The following MYO5B variants were observed in gnomAD, a reference collection of about 807,000 sequenced individuals.
MYO5B encodes the protein myosin VB.
Under a neutral mutation model 229.3 loss-of-function variants are expected in MYO5B, and 143 were observed. The observed-to-expected ratio is 0.62, with a 90% CI of 0.54 to 0.72. The LOEUF (loss-of-function observed/expected upper bound fraction) is 0.72. Among genes scored for constraint, MYO5B ranks in the 30% least tolerant of loss-of-function variants. The pLI is 0.00. For synonymous variants in MYO5B, 918 were observed against 885.2 expected, an observed-to-expected ratio of 1.04 and a Z score of -0.66; for missense variants, 2,321 against 2,331.0, an observed-to-expected ratio of 1.00 and a Z score of 0.09.
intron 25 of MYO5B, 74 bp downstream of exon 25, chr18:49,877,689 T>C: frequency 6.2e-7 from 1 of 1,602,716 alleles, no homozygotes; most frequent in Non-Finnish European, 8.5e-7. Context: ...AAATTTCTCT[T>C]GGACAGTTCC....
chr18:49,984,646 A>G, intron 8 of MYO5B, 72 bp downstream of exon 8: 1 of 1,191,606 alleles, frequency 8.4e-7, no homozygotes, highest in Non-Finnish European at 1.3e-6. Flanking sequence ...GCACAGTGGG[A>G]CATCGCCTTG....
chr18:49,891,755 C>A (rs980509960), intron 22 of MYO5B, among the ~76,000 whole-genome samples: 1 of 152,234 alleles, frequency 6.6e-6, no homozygotes, highest in African/African-American at 2.4e-5. Flanking sequence ...TTCCCCAAGC[C>A]AGATCTCTCT....
chr18:50,191,422 A>G (rs2033225105), intron 1 of MYO5B, among the ~76,000 whole-genome samples: 1 of 152,210 alleles, frequency 6.6e-6, no homozygotes, highest in Non-Finnish European at 1.5e-5. Flanking sequence ...AGTGTCTTAT[A>G]TCCAAGACCT....
intron 4 of MYO5B, among the ~76,000 whole-genome samples, chr18:50,032,976 A>G (rs2026406757): frequency 6.6e-6 from 1 of 151,936 alleles, no homozygotes; most frequent in Non-Finnish European, 1.5e-5. Flanking sequence ...AACAAGAGTG[A>G]AACTCATCTC....
chr18:49,889,038 C>T (rs570303295), intron 22 of MYO5B, among the ~76,000 whole-genome samples: 18 of 152,342 alleles, frequency 1.2e-4, no homozygotes, highest in Admixed American at 9.2e-4. Flanking sequence ...CCCAGGCCAC[C>T]GCCAGCACCT....
At chr18:50,047,929 G>A (rs985242637) in intron 2 of MYO5B, among the ~76,000 whole-genome samples, 2 of 137,562 alleles carry the variant, frequency 1.5e-5, no homozygotes, top group African/African-American at 5.5e-5. Flanking sequence ...TCACACGCCG[G>A]GGACTGTTGT....
chr18:49,874,984 G>A (rs915007231), intron 26 of MYO5B, among the ~76,000 whole-genome samples: 14 of 152,176 alleles, frequency 9.2e-5, no homozygotes, highest in Admixed American at 1.3e-4. Context: ...TCTCCCAGAC[G>A]TAACATCTAA....
intron 35 of MYO5B, among the ~76,000 whole-genome samples, chr18:49,840,958 A>G (rs775367461): frequency 3.9e-5 from 6 of 152,200 alleles, no homozygotes; most frequent in Admixed American, 3.3e-4. Flanking sequence ...TGAAATGGAC[A>G]GATTAATCAG....
At chr18:49,913,812 G>A (rs752468256) in intron 17 of MYO5B, among the ~76,000 whole-genome samples, 2 of 152,012 alleles carry the variant, frequency 1.3e-5, no homozygotes, top group African/African-American at 2.4e-5. Context: ...CAGACAAGGA[G>A]ACAAAGAGAC....
intron 1 of MYO5B, among the ~76,000 whole-genome samples, chr18:50,068,218 T>C (rs2030870965): frequency 6.6e-6 from 1 of 152,262 alleles, no homozygotes; most frequent in South Asian, 2.1e-4. Context: ...GTGAGATTAA[T>C]GGTAGATACT....
chr18:50,130,232 T>A (rs1239558784), intron 1 of MYO5B, among the ~76,000 whole-genome samples: 1 of 152,240 alleles, frequency 6.6e-6, no homozygotes, highest in South Asian at 2.1e-4. Context: ...CATATTTTTT[T>A]AAGCCTCTTG....
At chr18:49,844,336 A>G (rs1469328573) in intron 33 of MYO5B, among the ~76,000 whole-genome samples, 3 of 152,226 alleles carry the variant, frequency 2.0e-5, no homozygotes, top group Middle Eastern at 3.2e-3. Context: ...CAGGAGCACA[A>G]GGCCCCAGGG....
At chr18:49,954,279 A>G in intron 13 of MYO5B, 34 bp downstream of exon 13, 12 of 1,613,102 alleles carry the variant, frequency 7.4e-6, no homozygotes, top group Non-Finnish European at 1.0e-5. Context: ...AGAGGGGCCA[A>G]GGGAATACCC....
intron 4 of MYO5B, among the ~76,000 whole-genome samples, chr18:50,020,936 C>T (rs2026266785): frequency 1.3e-5 from 2 of 152,190 alleles, no homozygotes; most frequent in South Asian, 4.1e-4. Context: ...TGCTCTGTTT[C>T]TAGGGCAGAA....
intron 22 of MYO5B, among the ~76,000 whole-genome samples, chr18:49,887,743 C>T (rs375865533): frequency 4.6e-5 from 7 of 152,138 alleles, no homozygotes; most frequent in African/African-American, 7.2e-5. Context: ...TGCAGTGGCG[C>T]GATCTCAGCT....
Position 49,948,096 on chromosome 18 carries a change from A to G in MYO5B, c.1752+5164T>C, listed in dbSNP as rs144930415. On this transcript the variant is annotated intron_variant, in intron 14 of 39. Transcript: ENST00000285039. ...ATAAAAAGTCAATTACAGCTGACAC[A>G]TAGCTGTTACCTTGGAAATCACACC... 3.2e-3 allele frequency among the ~76,000 whole-genome samples: 487 copies of G among 152,350 alleles called. 2 individuals are homozygous for G. Among genetic ancestry groups the G allele is most frequent in the African/African-American group, 0.011 (450 of 41,574 alleles).
At chr18:49,985,247 G>A (rs1233161838) in intron 7 of MYO5B, among the ~76,000 whole-genome samples, 1 of 152,182 alleles carries the variant, frequency 6.6e-6, no homozygotes, top group Non-Finnish European at 1.5e-5. Context: ...ATGAGGAACA[G>A]TGATGTGCCC....
At chr18:49,873,410 G>A (rs1030795610) in intron 26 of MYO5B, among the ~76,000 whole-genome samples, 1 of 152,228 alleles carries the variant, frequency 6.6e-6, no homozygotes, top group African/African-American at 2.4e-5. Context: ...CCCCAGGCTT[G>A]GAGACAGGAA....
intron 1 of MYO5B, among the ~76,000 whole-genome samples, chr18:50,061,280 A>G (rs1186806496): frequency 6.6e-6 from 1 of 152,178 alleles, no homozygotes; most frequent in African/African-American, 2.4e-5. Context: ...CAACAGGTAA[A>G]AGTTCTACCT....
Sources: gnomAD v4.1 joint callset for allele counts (sites outside exome capture counted in the v4.1 genomes callset) on GRCh38, gnomAD v4.1.1 for gene constraint, MANE v1.5 for transcripts, NCBI Gene and HGNC (gene_info 2026-07-23, HGNC 2026-07-21) for gene names.